DLG2: variants seen among roughly 807,000 people sequenced by gnomAD.
DLG2 encodes discs large MAGUK scaffold protein 2.
In DLG2, 45 loss-of-function variants were observed where a neutral mutation model predicts 132.5. The ratio of observed to expected loss-of-function variants is 0.34; its 90% CI spans 0.27 to 0.44. DLG2 has a LOEUF of 0.44. Ranked by LOEUF, DLG2 falls within the 20% of genes least tolerant of loss-of-function variation. DLG2 has a pLI of 1.00. For missense variants in DLG2, 1,045 were observed against 1,196.9 expected, an observed-to-expected ratio of 0.87 and a Z score of 1.87; for synonymous variants, 424 against 419.6, an observed-to-expected ratio of 1.01 and a Z score of -0.13.
At chr11:84,909,127 C>T (rs1370883352) in intron 6 of DLG2, among the ~76,000 whole-genome samples, 2 of 152,066 alleles carry the variant, frequency 1.3e-5, no homozygotes, top group African/African-American at 4.8e-5. Flanking sequence ...CATCGATGCA[C>T]CTTTTAACCA....
At chr11:85,475,911 G>A (rs1359923397) in intron 3 of DLG2, among the ~76,000 whole-genome samples, 1 of 151,962 alleles carries the variant, frequency 6.6e-6, no homozygotes, top group African/African-American at 2.4e-5. Flanking sequence ...ATTTTTAGGG[G>A]GAAATCTTAG....
intron 6 of DLG2, among the ~76,000 whole-genome samples, chr11:84,873,098 T>C (rs2085737836): frequency 1.3e-5 from 2 of 152,188 alleles, no homozygotes; most frequent in African/African-American, 4.8e-5. Context: ...GCAAAAGGGA[T>C]TTCATATACG....
rs77446884 is a variant in DLG2 at position 83,773,955 on chromosome 11, AC to A, written c.1825+12734del. Among the ~76,000 whole-genome samples the A allele has an allele frequency of 2.3e-3, 344 of 152,332 alleles. 6 individuals are homozygous for A. The highest frequency in any genetic ancestry group is 0.017 in the East Asian group (87 of 5,186). ...AAGAGCATTTCTTGCCTTCTGATAA[AC>A]AGCTTTAAAACTGTTTTTTGGTGGT... On this transcript the variant is annotated intron_variant, in intron 18 of 27. Coordinates refer to ENST00000376104, the MANE Select transcript of DLG2 (RefSeq NM_001142699.3).
chr11:84,645,667 C>T (rs1217130903), intron 6 of DLG2, among the ~76,000 whole-genome samples: 1 of 152,138 alleles, frequency 6.6e-6, no homozygotes, highest in East Asian at 1.9e-4. Flanking sequence ...TGGGGTTTCA[C>T]TGTGTTAGCC....
At chr11:84,221,442 C>T (rs754615034) in intron 8 of DLG2, among the ~76,000 whole-genome samples, 14 of 151,998 alleles carry the variant, frequency 9.2e-5, no homozygotes, top group Non-Finnish European at 1.8e-4. Context: ...CCAGTCTGGG[C>T]AACAGAGTGA....
chr11:84,736,404 T>G (rs2063835673), intron 6 of DLG2, among the ~76,000 whole-genome samples: 1 of 151,914 alleles, frequency 6.6e-6, no homozygotes, highest in African/African-American at 2.4e-5. Flanking sequence ...ACCTGTTAAT[T>G]CTACACCTAC....
chr11:84,650,697 C>T lies in DLG2; in HGVS notation c.358-115966G>A, dbSNP rs549615293. 2.0e-5 allele frequency among the ~76,000 whole-genome samples: 3 copies of T among 151,928 alleles called. No homozygotes were observed. The East Asian group carries it at 5.8e-4, about 29-fold the overall frequency. ...CTCATTAAATTGCTATTCATAGTCT[C>T]TTATGATGTTACTTTTTCAATAATA... On this transcript the variant is annotated intron_variant, in intron 6 of 27. Coordinates refer to ENST00000376104, the MANE Select transcript of DLG2 (RefSeq NM_001142699.3).
intron 11 of DLG2, among the ~76,000 whole-genome samples, chr11:84,041,237 A>C (rs942691027): frequency 6.6e-6 from 1 of 152,002 alleles, no homozygotes; most frequent in Non-Finnish European, 1.5e-5. Flanking sequence ...GATTTTTGCC[A>C]CTGGAAACAC....
At chr11:84,528,360 G>T (rs1388013222) in intron 7 of DLG2, among the ~76,000 whole-genome samples, 1 of 152,136 alleles carries the variant, frequency 6.6e-6, no homozygotes, top group Non-Finnish European at 1.5e-5. Context: ...ATGAAAACAG[G>T]CTAAGAAAGC....
intron 3 of DLG2, among the ~76,000 whole-genome samples, chr11:85,427,165 G>A (rs112072766): frequency 1.3e-5 from 2 of 152,234 alleles, no homozygotes; most frequent in Non-Finnish European, 2.9e-5. Flanking sequence ...GTACCTGAAA[G>A]TGAAAGGGAG....
At chr11:83,996,504 G>A (rs1207629793) in intron 11 of DLG2, among the ~76,000 whole-genome samples, 3 of 152,140 alleles carry the variant, frequency 2.0e-5, no homozygotes, top group Non-Finnish European at 2.9e-5. Flanking sequence ...ATACTGAAGC[G>A]ATATCTGCAC....
intron 6 of DLG2, chr11:84,546,659 A>G (rs1014851810): frequency 3.8e-6 from 2 of 532,936 alleles, no homozygotes; most frequent in African/African-American, 1.9e-5. Context: ...CCACAGTGGC[A>G]TATGTGACAA....
intron 3 of DLG2, among the ~76,000 whole-genome samples, chr11:85,386,733 G>T (rs2086361197): frequency 6.6e-6 from 1 of 150,680 alleles, no homozygotes; most frequent in African/African-American, 2.4e-5. Flanking sequence ...ATTTCTGTTT[G>T]TAGCTGTGCC....
Position 83,598,280 on chromosome 11 carries a change from C to T in DLG2, c.1940+34931G>A, listed in dbSNP as rs150745863. The stretch of plus-strand genomic sequence containing the variant: ...TTGGCTGTTCTTTCAGAGAAGTTAT[C>T]ATCGTCTACTCATTCCCAGCAAAAC... On this transcript the variant is annotated intron_variant, in intron 19 of 27. Transcript: ENST00000376104. 5.5e-4 allele frequency among the ~76,000 whole-genome samples: 84 copies of T among 152,336 alleles called. 1 individual carries two copies. Among genetic ancestry groups the T allele is most frequent in the Non-Finnish European group, 9.1e-4 (62 of 68,032 alleles).
At chr11:84,755,712 C>T (rs961310909) in intron 6 of DLG2, among the ~76,000 whole-genome samples, 2 of 152,200 alleles carry the variant, frequency 1.3e-5, no homozygotes, top group African/African-American at 2.4e-5. Context: ...CATGAGCTAC[C>T]GCGCCTGGCC....
intron 6 of DLG2, among the ~76,000 whole-genome samples, chr11:84,901,955 A>C (rs1388378036): frequency 6.6e-6 from 1 of 152,128 alleles, no homozygotes; most frequent in Non-Finnish European, 1.5e-5. Flanking sequence ...GAATTCTGGA[A>C]ATATTTTGGG....
intron 21 of DLG2, among the ~76,000 whole-genome samples, chr11:83,510,313 C>T (rs964072894): frequency 1.4e-4 from 20 of 146,154 alleles, no homozygotes; most frequent in Admixed American, 1.4e-3. Flanking sequence ...GCGCTCTTTA[C>T]CCCCCACCAT....
intron 6 of DLG2, among the ~76,000 whole-genome samples, chr11:84,804,751 A>G (rs1219327768): frequency 1.3e-5 from 2 of 152,060 alleles, no homozygotes; most frequent in Non-Finnish European, 2.9e-5. Flanking sequence ...CTGCACAACA[A>G]TCTGTGACCC....
At chr11:84,792,721 G>C (rs1357069994) in intron 6 of DLG2, among the ~76,000 whole-genome samples, 4 of 151,958 alleles carry the variant, frequency 2.6e-5, no homozygotes, top group Admixed American at 6.5e-5. Flanking sequence ...AGTTGCTCAT[G>C]GTAGCCACTA....
Sources: gnomAD v4.1 joint callset for allele counts (sites outside exome capture counted in the v4.1 genomes callset) on GRCh38, gnomAD v4.1.1 for gene constraint, MANE v1.5 for transcripts, NCBI Gene and HGNC (gene_info 2026-07-23, HGNC 2026-07-21) for gene names.